Variants in PIR observed in about 807,000 individuals in gnomAD.
The protein encoded by PIR is pirin, also known as pirin (iron-binding nuclear protein).
PIR carries 22 observed loss-of-function variants against 24.2 expected under a neutral mutation model. The ratio of observed to expected loss-of-function variants is 0.91; its 90% confidence interval spans 0.65 to 1.30. PIR has a LOEUF of 1.30. PIR is among the 50% of genes most tolerant of loss of function. PIR has a pLI of 0.00. For missense variants in PIR, 220 were observed against 220.3 expected (o/e 1.00, Z 0.01); for synonymous variants, 80 against 79.6 (o/e 1.00, Z -0.03).
intron 7 of PIR, among the ~76,000 whole-genome samples, chrX:15,400,845 T>C (rs942307699): frequency 9.2e-6 from 1 of 108,515 alleles, no homozygotes; most frequent in African/African-American, 3.4e-5. Flanking sequence ...CTCCCGCGAT[T>C]ATTCTGCCTC....
chrX:15,465,453 T>C (rs1477578337), intron 3 of PIR, among the ~76,000 whole-genome samples: 1 of 112,252 alleles, frequency 8.9e-6, no homozygotes, highest in Non-Finnish European at 1.9e-5. Flanking sequence ...ACAATCCAGA[T>C]GATTTTTTAG....
chrX:15,439,091 G>C (rs1193224652), intron 5 of PIR, among the ~76,000 whole-genome samples: 4 of 112,130 alleles, frequency 3.6e-5, no homozygotes, highest in Non-Finnish European at 7.5e-5. Flanking sequence ...CACTCCCACT[G>C]CCCTGGGATT....
intron 6 of PIR, among the ~76,000 whole-genome samples, chrX:15,413,766 G>C (rs1245474754): frequency 1.8e-5 from 2 of 111,950 alleles, no homozygotes; most frequent in Non-Finnish European, 3.8e-5. Flanking sequence ...CAAAACACTT[G>C]AGACAGTTAG....
intron 6 of PIR, among the ~76,000 whole-genome samples, chrX:15,411,949 AAT>A (rs1016878764): frequency 3.6e-5 from 4 of 112,429 alleles, no homozygotes; most frequent in Non-Finnish European, 3.8e-5. Flanking sequence ...TCTTGCTATA[AAT>A]ATATGTCATT....
In PIR at chrX:15,460,109, G is replaced by T. The variant is rs1921241357; in HGVS notation, c.190-369C>A. On this transcript the variant is annotated intron_variant, in intron 3 of 9. Coordinates refer to ENST00000380420, the MANE Select transcript of PIR (RefSeq NM_001018109.3). ...CAAAAGATAACAAGTGTTGGTGAGGGTGTGGAGAAAAGGGAATCCTTATAC... is the reference window on the plus strand; with the variant it reads ...CAAAAGATAACAAGTGTTGGTGAGGTTGTGGAGAAAAGGGAATCCTTATAC... Among the ~76,000 whole-genome samples the T allele has an allele frequency of 2.7e-5, 3 of 111,657 alleles. No homozygotes were observed. In the South Asian group the frequency reaches 1.1e-3, roughly 42 times the overall value.
At chrX:15,436,721 C>G (rs1925761400) in intron 5 of PIR, among the ~76,000 whole-genome samples, 1 of 112,438 alleles carries the variant, frequency 8.9e-6, no homozygotes, top group Non-Finnish European at 1.9e-5. Flanking sequence ...TTGCTATTTA[C>G]TAAAATATTT....
rs150492057 is a variant in PIR at position 15,396,033 on chromosome X, A to G, written c.693+1416T>C. On this transcript the variant is annotated intron_variant, in intron 8 of 9. Transcript: ENST00000380420. ...TTTAGCTTCCAACTCCTTATCTGCA[A>G]TGTGCTCTCTGTGTATTATAGGAAG... Among the ~76,000 whole-genome samples the G allele has an allele frequency of 1.2e-3, 134 of 111,874 alleles. No individual in the cohort carries two copies. The East Asian group carries it at 0.025, about 21-fold the overall frequency.
At chrX:15,473,775 T>A (rs1922052140) in intron 3 of PIR, among the ~76,000 whole-genome samples, 1 of 112,108 alleles carries the variant, frequency 8.9e-6, no homozygotes, top group South Asian at 3.7e-4. Flanking sequence ...CAGGCTGGTC[T>A]CGAACTCCTG....
At chrX:15,425,394 T>A (rs1569199683) in intron 6 of PIR, among the ~76,000 whole-genome samples, 1 of 107,956 alleles carries the variant, frequency 9.3e-6, no homozygotes, top group Non-Finnish European at 1.9e-5. Context: ...TTCTTTCTGA[T>A]TTTCTTTTCT....
intron 5 of PIR, among the ~76,000 whole-genome samples, chrX:15,451,724 G>A (rs1920967663): frequency 8.9e-6 from 1 of 112,253 alleles, no homozygotes; most frequent in African/African-American, 3.2e-5. Flanking sequence ...AATTACATGA[G>A]ATGTTTAGCA....
chrX:15,471,073 T>C (rs1921888922), intron 3 of PIR, among the ~76,000 whole-genome samples: 1 of 112,229 alleles, frequency 8.9e-6, no homozygotes, highest in South Asian at 3.6e-4. Context: ...ATATTTCAGT[T>C]AAATTTCTAC....
At chrX:15,395,469 AT>A (rs1924101074) in intron 8 of PIR, among the ~76,000 whole-genome samples, 1 of 112,207 alleles carries the variant, frequency 8.9e-6, no homozygotes, top group Non-Finnish European at 1.9e-5. Context: ...CTGTGGTCCA[AT>A]AAAACTTTAT....
At chrX:15,475,232 C>T (rs1384777782) in intron 3 of PIR, among the ~76,000 whole-genome samples, 2 of 111,326 alleles carry the variant, frequency 1.8e-5, no homozygotes, top group Non-Finnish European at 1.9e-5. Flanking sequence ...ACACTGTCGG[C>T]TACCAACAAG....
Position 15,476,623 on chromosome X carries a change from T to C in PIR, c.189+3106A>G, listed in dbSNP as rs765742730. Among the ~76,000 whole-genome samples, 8 of 110,602 alleles carry C rather than the reference T, an allele frequency of 7.2e-5. No homozygotes were observed. In the South Asian group the frequency reaches 3.1e-3, roughly 43 times the overall value. On this transcript the variant is annotated intron_variant, in intron 3 of 9. Coordinates refer to ENST00000380420, the MANE Select transcript of PIR (RefSeq NM_001018109.3). Reference sequence around the variant, plus strand: ...TGACTTCCTTAATATATGAAGACCTTCTATAAAATAATAAAAAGAATACCA... The same window carrying C: ...TGACTTCCTTAATATATGAAGACCTCCTATAAAATAATAAAAAGAATACCA...
chrX:15,434,081 A>G (rs1925647591), intron 5 of PIR, among the ~76,000 whole-genome samples: 2 of 67,895 alleles, frequency 2.9e-5, no homozygotes, highest in Non-Finnish European at 5.6e-5. Flanking sequence ...AGGAGGAGGA[A>G]GGAGAAAGGA....
chrX:15,470,182 C>A (rs1192880483), intron 3 of PIR, among the ~76,000 whole-genome samples: 1 of 111,851 alleles, frequency 8.9e-6, no homozygotes, highest in East Asian at 2.8e-4. Context: ...TCGCAAGTCA[C>A]CGCCTCCCTG....
chrX:15,472,508 T>C (rs757680116), intron 3 of PIR, among the ~76,000 whole-genome samples: 4 of 112,274 alleles, frequency 3.6e-5, no homozygotes, highest in Non-Finnish European at 7.5e-5. Context: ...TATAAAGAAA[T>C]ATATATGCTA....
At position 15,414,317 on chromosome X, in the gene PIR, A is replaced by G. The variant is rs141946386; in HGVS notation, c.566-6767T>C. ...AGGTTTTCTCATCAAGACATTTAATAAAGTTTTTAACTAAAGTAATATATG... is the reference window on the plus strand; with the variant it reads ...AGGTTTTCTCATCAAGACATTTAATGAAGTTTTTAACTAAAGTAATATATG... On this transcript the variant is annotated intron_variant, in intron 6 of 9. Transcript: ENST00000380420. 5.9e-3 allele frequency among the ~76,000 whole-genome samples: 662 copies of G among 112,512 alleles called. 4 individuals are homozygous for G. Among genetic ancestry groups the G allele is most frequent in the African/African-American group, 0.02 (618 of 31,007 alleles).
At chrX:15,448,833 G>C (rs896461187) in intron 5 of PIR, among the ~76,000 whole-genome samples, 1 of 111,641 alleles carries the variant, frequency 9.0e-6, no homozygotes, top group Non-Finnish European at 1.9e-5. Context: ...CCCTATTCTG[G>C]AGTATCATGA....
Sources: gnomAD v4.1 joint callset for allele counts (sites outside exome capture counted in the v4.1 genomes callset) on GRCh38, gnomAD v4.1.1 for gene constraint, MANE v1.5 for transcripts, NCBI Gene and HGNC (gene_info 2026-07-23, HGNC 2026-07-21) for gene names.